TMEM131L: variants seen among roughly 807,000 people sequenced by gnomAD.
The protein encoded by TMEM131L is transmembrane 131 like.
In TMEM131L, 54 loss-of-function variants were observed where a neutral mutation model predicts 192.2. That is an observed-to-expected ratio of 0.28 (90% CI 0.23 to 0.35). The LOEUF (loss-of-function observed/expected upper bound fraction) is 0.35. Among genes scored for constraint, TMEM131L ranks in the 10% least tolerant of loss-of-function variants. The probability of loss-of-function intolerance (pLI) is 1.00; values close to 1 mark genes in which losing one functional copy is unlikely to be tolerated. For synonymous variants in TMEM131L, 701 were observed against 704.9 expected (o/e 0.99, Z 0.09); for missense variants, 1,888 against 1,972.9 (o/e 0.96, Z 0.82).
At chr4:153,584,757 TAAG>T in intron 11 of TMEM131L, 75 bp from the exon 12 acceptor site, 1 of 904,626 alleles carries the variant, frequency 1.1e-6, no homozygotes, top group Non-Finnish European at 1.7e-6. Context: ...AATTTATAAA[TAAG>T]ACATATATCT....
At chr4:153,541,290 G>A (rs1433381634) in intron 3 of TMEM131L, among the ~76,000 whole-genome samples, 3 of 152,206 alleles carry the variant, frequency 2.0e-5, no homozygotes, top group African/African-American at 4.8e-5. Flanking sequence ...TATGTGGAAT[G>A]TGGTAAGAGT....
At chr4:153,601,382 C>G (rs1009597987) in intron 21 of TMEM131L, among the ~76,000 whole-genome samples, 9 of 152,030 alleles carry the variant, frequency 5.9e-5, no homozygotes, top group African/African-American at 1.9e-4. Context: ...AATTAATTAC[C>G]TGGCTGTGGT....
intron 11 of TMEM131L, among the ~76,000 whole-genome samples, chr4:153,584,116 C>T (rs1238803897): frequency 6.6e-6 from 1 of 152,204 alleles, no homozygotes. Context: ...TAGGACAGAA[C>T]AGCTGATCAT....
At chr4:153,519,399 C>T (rs1734954610) in intron 3 of TMEM131L, among the ~76,000 whole-genome samples, 1 of 152,180 alleles carries the variant, frequency 6.6e-6, no homozygotes, top group Admixed American at 6.5e-5. Flanking sequence ...CTTTCACTTT[C>T]TTGCTACAGA....
chr4:153,583,449 G>T, intron 10 of TMEM131L, 115 bp from the exon 11 acceptor site: 1 of 813,954 alleles, frequency 1.2e-6, no homozygotes, highest in Non-Finnish European at 2.1e-6. Flanking sequence ...TGGCACAGAT[G>T]CTGAGCAGTT....
intron 4 of TMEM131L, among the ~76,000 whole-genome samples, chr4:153,553,347 A>G (rs1192118571): frequency 1.3e-5 from 2 of 152,156 alleles, no homozygotes; most frequent in Admixed American, 6.6e-5. Context: ...AGGTCATTTC[A>G]CTACAAGTGG....
intron 29 of TMEM131L, among the ~76,000 whole-genome samples, chr4:153,625,940 T>C (rs1733814348): frequency 6.6e-6 from 1 of 152,048 alleles, no homozygotes; most frequent in African/African-American, 2.4e-5. Context: ...CAAAAAGAGA[T>C]TGTAAAGAAA....
chr4:153,494,800 G>A lies in TMEM131L; in HGVS notation c.239+20912G>A, dbSNP rs536644596. The stretch of plus-strand genomic sequence containing the variant: ...TAGCTAACAGCTCTCCGTCGGGAGC[G>A]CTAAGAGGGCCTCAGCACCAGTGGG... On this transcript the variant is annotated intron_variant, in intron 3 of 34. Coordinates refer to ENST00000409959, the MANE Select transcript of TMEM131L (RefSeq NM_001131007.2). Among the ~76,000 whole-genome samples, 216 of 152,292 alleles carry A rather than the reference G, an allele frequency of 1.4e-3. 1 individual carries two copies. The highest frequency in any genetic ancestry group is 5.1e-3 in the African/African-American group (211 of 41,560).
rs573168427 is a variant in TMEM131L at position 153,620,491 on chromosome 4, T to C, written c.3568-265T>C. Among the ~76,000 whole-genome samples, 3 of 152,356 alleles carry C rather than the reference T, an allele frequency of 2.0e-5. No individual in the cohort carries two copies. In the East Asian group the frequency reaches 5.8e-4, roughly 29 times the overall value. ...TGCTGCAAAGTTAACAGCAAGCTGG[T>C]CATAAATTGCTAGCAGATGTTTTTC... is the stretch of plus-strand genomic sequence containing the variant. On this transcript the variant is annotated intron_variant, in intron 26 of 34. Transcript: ENST00000409959.
rs115867420 is a variant in TMEM131L, at chr4:153,502,464, C to T, written c.239+28576C>T. ...TCAATCCTAGGCTTCTGTAAGGTAT[C>T]ATTTATTCTGACTCTTTGGGAGTTA... On this transcript the variant is annotated intron_variant, in intron 3 of 34. Coordinates refer to ENST00000409959, the MANE Select transcript of TMEM131L (RefSeq NM_001131007.2). Among the ~76,000 whole-genome samples the T allele has an allele frequency of 6.8e-3, 1,040 of 152,278 alleles. 12 individuals are homozygous for T. The highest frequency in any genetic ancestry group is 0.024 in the African/African-American group (1,002 of 41,562).
chr4:153,581,687 T>C, intron 9 of TMEM131L, 127 bp downstream of exon 9: 1 of 566,236 alleles, frequency 1.8e-6, no homozygotes, highest in Non-Finnish European at 2.7e-6. Flanking sequence ...TATTAAGTGA[T>C]TGTAGTAGTA....
chr4:153,531,416 A>G (rs1735894205), intron 3 of TMEM131L, among the ~76,000 whole-genome samples: 1 of 152,246 alleles, frequency 6.6e-6, no homozygotes, highest in Non-Finnish European at 1.5e-5. Flanking sequence ...TACAGAGGAT[A>G]TACCTTTTCT....
At chr4:153,628,533 T>C (rs1734002021) in intron 31 of TMEM131L, among the ~76,000 whole-genome samples, 1 of 152,258 alleles carries the variant, frequency 6.6e-6, no homozygotes, top group Non-Finnish European at 1.5e-5. Flanking sequence ...TGGAGAATTT[T>C]AACCCTTGAA....
intron 17 of TMEM131L, 40 bp downstream of exon 17, chr4:153,591,234 C>T (rs780955793): frequency 6.5e-7 from 1 of 1,531,832 alleles, no homozygotes; most frequent in Non-Finnish European, 8.8e-7. Context: ...GTCAGTGACT[C>T]CCCAGTGCTT....
chr4:153,528,112 T>C (rs1380932987), intron 3 of TMEM131L, among the ~76,000 whole-genome samples: 1 of 152,184 alleles, frequency 6.6e-6, no homozygotes, highest in Non-Finnish European at 1.5e-5. Context: ...AAGAGGAAAA[T>C]AGACGTTATA....
Position 153,583,712 on chromosome 4 carries a change from T to C in TMEM131L, c.1060+40T>C, listed in dbSNP as rs779780455. 3.3e-6 allele frequency: 4 copies of C among 1,199,946 alleles called. No individual in the cohort carries two copies. The Admixed American group carries it at 6.1e-5, about 18-fold the overall frequency. 74.3% of individuals were successfully genotyped at this position (1,199,946 alleles called of 1,614,324 possible). A position where few individuals can be genotyped will look rare whatever the true frequency, so the allele number is the denominator to read the frequency against. On this transcript the variant is annotated intron_variant, in intron 11 of 34. Transcript: ENST00000409959. ...ACAGATTGTCATTTGACTTTTGTTA[T>C]CTGGTTGTCATGATGGCAACTCTTT...
chr4:153,490,770 A>G (rs1274032854), intron 3 of TMEM131L, among the ~76,000 whole-genome samples: 1 of 152,022 alleles, frequency 6.6e-6, no homozygotes, highest in Non-Finnish European at 1.5e-5. Flanking sequence ...CTTGGCTAAC[A>G]TGGTGAAACC....
At chr4:153,578,193 G>A (rs1730088547) in intron 7 of TMEM131L, among the ~76,000 whole-genome samples, 1 of 152,048 alleles carries the variant, frequency 6.6e-6, no homozygotes, top group Admixed American at 6.5e-5. Context: ...TGTAACCTTA[G>A]TTAAAGCAGT....
chr4:153,604,574 A>G, intron 25 of TMEM131L, 144 bp downstream of exon 25: 1 of 868,100 alleles, frequency 1.2e-6, no homozygotes, highest in Non-Finnish European at 1.8e-6. Context: ...AGACAAAATG[A>G]AAAGTTCAAG....
Sources: gnomAD v4.1 joint callset for allele counts (sites outside exome capture counted in the v4.1 genomes callset) on GRCh38, gnomAD v4.1.1 for gene constraint, MANE v1.5 for transcripts, NCBI Gene and HGNC (gene_info 2026-07-23, HGNC 2026-07-21) for gene names.